The following NRG1 variants were observed in gnomAD, a reference collection of about 807,000 sequenced individuals.
NRG1 encodes the protein neuregulin 1.
In NRG1, 18 loss-of-function variants were observed where a neutral mutation model predicts 63.8. The observed-to-expected ratio is 0.28, with a 90% CI of 0.19 to 0.42. The LOEUF (loss-of-function observed/expected upper bound fraction) is 0.42, where lower values mean the gene tolerates loss of function less well. NRG1 is among the 10% of genes least tolerant of loss of function. The probability of loss-of-function intolerance (pLI) is 1.00; values close to 1 mark genes in which losing one functional copy is unlikely to be tolerated. For synonymous variants in NRG1, 302 were observed against 301.3 expected (o/e 1.00, Z -0.02); for missense variants, 762 against 814.7 (o/e 0.94, Z 0.79).
chr8:32,436,250 C>A (rs1189974092), intron 1 of NRG1, among the ~76,000 whole-genome samples: 1 of 152,088 alleles, frequency 6.6e-6, no homozygotes. Context: ...TTATTCACTA[C>A]CACGAGTATT....
At chr8:32,475,944 C>A (rs1824463038) in intron 1 of NRG1, among the ~76,000 whole-genome samples, 1 of 152,126 alleles carries the variant, frequency 6.6e-6, no homozygotes, top group Non-Finnish European at 1.5e-5. Context: ...TCAATTAATT[C>A]ATCACTCTGA....
chr8:32,291,191 A>C (rs185158061), intron 1 of NRG1, among the ~76,000 whole-genome samples: 2 of 152,294 alleles, frequency 1.3e-5, no homozygotes, highest in East Asian at 1.9e-4. Context: ...ATCCAGTTAC[A>C]TGAGGTAGGG....
At chr8:32,584,393 A>C (rs1190019683) in intron 1 of NRG1, among the ~76,000 whole-genome samples, 1 of 152,198 alleles carries the variant, frequency 6.6e-6, no homozygotes, top group East Asian at 1.9e-4. Context: ...GGACCTGCTT[A>C]AGAGTGCAAG....
intron 1 of NRG1, among the ~76,000 whole-genome samples, chr8:32,514,448 T>A (rs1829579698): frequency 6.6e-6 from 1 of 152,178 alleles, no homozygotes; most frequent in African/African-American, 2.4e-5. Context: ...GATACTTCAA[T>A]TTATATGATG....
At chr8:32,389,770 T>A (rs1189649892) in intron 1 of NRG1, among the ~76,000 whole-genome samples, 4 of 151,008 alleles carry the variant, frequency 2.6e-5, no homozygotes, top group African/African-American at 4.9e-5. Context: ...TTTTTTTTTT[T>A]TTTTTTTTGA....
chr8:32,765,421 A>G (rs117120144), exon 12 of NRG1: 1 of 152,314 alleles, frequency 6.6e-6, no homozygotes, highest in East Asian at 1.9e-4. Context: ...CTAGAGTCAA[A>G]CGTGCCTGCT....
chr8:32,034,538 T>G (rs1178641000), intron 1 of NRG1, among the ~76,000 whole-genome samples: 1 of 152,206 alleles, frequency 6.6e-6, no homozygotes, highest in African/African-American at 2.4e-5. Context: ...AGTTTCTCTT[T>G]GTACCTCTGA....
chr8:31,657,801 G>T (rs1805577296), intron 1 of NRG1, among the ~76,000 whole-genome samples: 1 of 152,168 alleles, frequency 6.6e-6, no homozygotes, highest in African/African-American at 2.4e-5. Flanking sequence ...AAGGTTTACA[G>T]AACTTTAAAG....
chr8:31,821,415 T>A (rs1019425867), intron 1 of NRG1, among the ~76,000 whole-genome samples: 1 of 152,214 alleles, frequency 6.6e-6, no homozygotes. Flanking sequence ...CCCATCCTTT[T>A]ATGGAACTAC....
At chr8:32,382,308 T>C (rs1810455794) in intron 1 of NRG1, among the ~76,000 whole-genome samples, 1 of 152,204 alleles carries the variant, frequency 6.6e-6, no homozygotes, top group Non-Finnish European at 1.5e-5. Flanking sequence ...TAAACATTGA[T>C]ATAATCGTTT....
At chr8:31,756,432 C>T (rs947145509) in intron 1 of NRG1, among the ~76,000 whole-genome samples, 1 of 152,056 alleles carries the variant, frequency 6.6e-6, no homozygotes, top group African/African-American at 2.4e-5. Context: ...ACCTCCTGGA[C>T]ACAGCTTTTT....
rs1040964708 is a variant in NRG1 at position 31,695,280 on chromosome 8, A to C, written c.37+55849A>C. ...TGCCTCTCAGGTTCAAGTGATTCTT[A>C]TGCCTCAGCCTCCCGAGTAGGTGGG... On this transcript the variant is annotated intron_variant, in intron 1 of 10. Coordinates refer to the NRG1 transcript ENST00000519301. Among the ~76,000 whole-genome samples the C allele has an allele frequency of 4.6e-5, 7 of 152,090 alleles. No homozygotes were observed. The East Asian group carries it at 1.4e-3, about 29-fold the overall frequency.
intron 1 of NRG1, among the ~76,000 whole-genome samples, chr8:32,317,839 A>C (rs1800941305): frequency 6.6e-6 from 1 of 152,180 alleles, no homozygotes; most frequent in South Asian, 2.1e-4. Flanking sequence ...GCTGTATTCT[A>C]GTGTTGAGCA....
intron 1 of NRG1, among the ~76,000 whole-genome samples, chr8:31,652,599 G>A (rs1234431150): frequency 6.6e-6 from 1 of 152,106 alleles, no homozygotes; most frequent in African/African-American, 2.4e-5. Flanking sequence ...TGCACATATT[G>A]TTCTCTTTTC....
chr8:32,559,256 A>AAAAAAAAAAAAAAAAAAAAAAAAAT (rs1393676483), intron 1 of NRG1, among the ~76,000 whole-genome samples: 3 of 150,448 alleles, frequency 2.0e-5, no homozygotes, highest in Non-Finnish European at 4.4e-5. Context: ...AAAAAAAAAA[A>AAAAAAAAAAAAAAAAAAAAAAAAAT]AAAAAAATCA....
At chr8:32,749,516 T>G (rs1321478033) in intron 7 of NRG1, 10 of 1,609,230 alleles carry the variant, frequency 6.2e-6, no homozygotes, top group Non-Finnish European at 8.5e-6. Context: ...TTTCTGAAAC[T>G]TTTTCCCTTT....
chr8:32,646,152 T>C (rs1360019562), intron 5 of NRG1, among the ~76,000 whole-genome samples: 1 of 152,168 alleles, frequency 6.6e-6, no homozygotes, highest in Non-Finnish European at 1.5e-5. Context: ...TTGACATTAT[T>C]AGTCTTCTTT....
chr8:32,352,930 CTATA>C (rs201583223), intron 1 of NRG1, among the ~76,000 whole-genome samples: 2,556 of 132,702 alleles, frequency 0.019, 76 homozygotes, highest in African/African-American at 0.066. Context: ...GAGAGAGAGA[CTATA>C]TATATGTGTG....
At chr8:31,655,821 A>G (rs1188390566) in intron 1 of NRG1, among the ~76,000 whole-genome samples, 5 of 152,264 alleles carry the variant, frequency 3.3e-5, no homozygotes, top group South Asian at 2.1e-4. Flanking sequence ...ATTTGAGATG[A>G]TTTTTGGAAG....
Sources: gnomAD v4.1 joint callset for allele counts (sites outside exome capture counted in the v4.1 genomes callset) on GRCh38, gnomAD v4.1.1 for gene constraint, MANE v1.5 for transcripts, NCBI Gene and HGNC (gene_info 2026-07-23, HGNC 2026-07-21) for gene names.